Variants in MOB1B observed in about 807,000 individuals in gnomAD.
MOB1B encodes MOB1 Mps One Binder homolog B.
Under a neutral mutation model 24.4 loss-of-function variants are expected in MOB1B, and 19 were observed. The ratio of observed to expected loss-of-function variants is 0.78; its 90% CI spans 0.54 to 1.14. The LOEUF is 1.14. Among genes scored for constraint, MOB1B ranks in the 50% most tolerant of loss-of-function variants. MOB1B has a pLI of 0.00. For missense variants in MOB1B, 243 were observed against 259.6 expected, an observed-to-expected ratio of 0.94 and a Z score of 0.44; for synonymous variants, 76 against 82.1, an observed-to-expected ratio of 0.93 and a Z score of 0.40.
Position 70,983,587 on chromosome 4 carries a change from G to A in MOB1B, c.*1530G>A, listed in dbSNP as rs1739285633. The A allele has an allele frequency of 6.6e-6, 1 of 152,442 alleles. No homozygotes were observed. Among genetic ancestry groups the A allele is most frequent in the Non-Finnish European group, 1.5e-5 (1 of 67,966 alleles). The allele number at this position is 152,442 out of a possible 1,614,324, so 9.4% of individuals were successfully genotyped here. On this transcript the variant is annotated 3_prime_UTR_variant, in exon 6 of 6. Transcript: ENST00000309395. The stretch of plus-strand genomic sequence containing the variant: ...AGAAATATATATCCTTCCTTCAGTT[G>A]AAACATATACCTTTTTCACATCTAG...
intron 1 of MOB1B, among the ~76,000 whole-genome samples, chr4:70,912,179 G>A (rs544368777): frequency 3.4e-3 from 513 of 152,150 alleles, no homozygotes; most frequent in Non-Finnish European, 5.0e-3. Context: ...TTACAGGCGT[G>A]AGCCACCGTG....
intron 1 of MOB1B, among the ~76,000 whole-genome samples, chr4:70,957,212 A>G (rs1738097686): frequency 7.1e-6 from 1 of 140,906 alleles, no homozygotes; most frequent in Non-Finnish European, 1.5e-5. Flanking sequence ...TCGAGCTGAG[A>G]TCGTGCCTCT....
intron 1 of MOB1B, among the ~76,000 whole-genome samples, chr4:70,920,106 T>C (rs758662586): frequency 5.3e-5 from 8 of 152,210 alleles, no homozygotes; most frequent in Admixed American, 2.0e-4. Flanking sequence ...TTACCAATTA[T>C]CTTTAAAACT....
intron 1 of MOB1B, among the ~76,000 whole-genome samples, chr4:70,924,682 T>C (rs1736580798): frequency 6.6e-6 from 1 of 152,158 alleles, no homozygotes; most frequent in African/African-American, 2.4e-5. Flanking sequence ...CCGCCCTGTG[T>C]CCAGTTGATC....
chr4:70,986,349 T>C lies in MOB1B; in HGVS notation c.*4292T>C, dbSNP rs1739382492. 6.6e-6 allele frequency: 1 copy of C among 152,140 alleles called. No individual in the cohort carries two copies. The highest frequency in any genetic ancestry group is 1.5e-5 in the Non-Finnish European group (1 of 67,992). The allele number at this position is 152,140 out of a possible 1,614,324, so 9.4% of individuals were successfully genotyped here. A position where few individuals can be genotyped will look rare whatever the true frequency, so the allele number is the denominator to read the frequency against. ...AGATTTTTGTACAAAGAAATAGGAA[T>C]AAGTTTCATATACTAATTATGCTGA... On this transcript the variant is annotated 3_prime_UTR_variant, in exon 6 of 6. Transcript: ENST00000309395.
intron 1 of MOB1B, among the ~76,000 whole-genome samples, chr4:70,932,976 C>T (rs1290983651): frequency 6.6e-6 from 1 of 152,144 alleles, no homozygotes; most frequent in Admixed American, 6.5e-5. Flanking sequence ...AGTCTGTTCT[C>T]ATACTGCTGT....
At chr4:70,953,660 A>C (rs1463595625) in intron 1 of MOB1B, among the ~76,000 whole-genome samples, 1 of 152,210 alleles carries the variant, frequency 6.6e-6, no homozygotes, top group Admixed American at 6.5e-5. Flanking sequence ...AGAAAATTGC[A>C]GGCTGGGCAT....
At chr4:70,929,239 C>T (rs1736781754) in intron 1 of MOB1B, among the ~76,000 whole-genome samples, 2 of 139,186 alleles carry the variant, frequency 1.4e-5, no homozygotes, top group South Asian at 2.2e-4. Context: ...AGTGCAGTGG[C>T]GTGATCTTGG....
intron 2 of MOB1B, among the ~76,000 whole-genome samples, chr4:70,962,609 A>G (rs537023134): frequency 4.6e-5 from 7 of 152,116 alleles, no homozygotes; most frequent in Non-Finnish European, 1.0e-4. Flanking sequence ...AAAAAACAGG[A>G]GAAAAATCTG....
At chr4:70,946,941 C>T (rs1320422574) in intron 1 of MOB1B, among the ~76,000 whole-genome samples, 1 of 152,194 alleles carries the variant, frequency 6.6e-6, no homozygotes, top group Non-Finnish European at 1.5e-5. Flanking sequence ...TTATATTTTT[C>T]TTTCACATTA....
chr4:70,919,369 T>A (rs1385388673), intron 1 of MOB1B, among the ~76,000 whole-genome samples: 1 of 151,846 alleles, frequency 6.6e-6, no homozygotes, highest in East Asian at 1.9e-4. Context: ...AATTCCAGAT[T>A]CCCGTAAATT....
At chr4:70,940,103 T>G (rs778172387) in intron 1 of MOB1B, among the ~76,000 whole-genome samples, 1 of 152,016 alleles carries the variant, frequency 6.6e-6, no homozygotes, top group Non-Finnish European at 1.5e-5. Flanking sequence ...CGCTTTTGTC[T>G]TCTTCCGCTG....
chr4:70,944,801 G>A (rs1051624110), intron 1 of MOB1B, among the ~76,000 whole-genome samples: 8 of 152,032 alleles, frequency 5.3e-5, no homozygotes, highest in African/African-American at 1.9e-4. Flanking sequence ...GGGATGAGAT[G>A]CCACAGACTT....
In MOB1B at chr4:70,903,974, C is replaced by CTTTTTTTTTTTTTTTTTTT. The variant is rs754257097; in HGVS notation, c.14+1430_14+1448dup. Among the ~76,000 whole-genome samples the CTTTTTTTTTTTTTTTTTTT allele has an allele frequency of 1.2e-4, 10 of 81,006 alleles. 1 individual carries two copies. The highest frequency in any genetic ancestry group is 4.2e-4 in the Admixed American group (2 of 4,736). The allele number at this position is 81,006 out of a possible 152,430, so 53.1% of individuals were successfully genotyped here. ...AAAGTCCTTGTTTCTTATTTTAGTT[C>CTTTTTTTTTTTTTTTTTTT]TTTTTTTTTTTTTTTTTTTTTTTTG... On this transcript the variant is annotated intron_variant, in intron 1 of 5. Coordinates refer to ENST00000309395, the MANE Select transcript of MOB1B (RefSeq NM_173468.4).
chr4:70,958,785 A>G (rs553866094), intron 1 of MOB1B, 89 bp from the exon 2 acceptor site: 20 of 1,178,986 alleles, frequency 1.7e-5, no homozygotes, highest in South Asian at 1.4e-4. Context: ...ATTTAAGCCA[A>G]TACAGTTTAG....
rs1482515117 is a variant in MOB1B, at chr4:70,986,120, CTTG to C, written c.*4066_*4068del. ...AAAAAACCAAGTCCTTTCTCTAGAA[CTTG>C]TTTTCTATTTTTGTTCCTTTTCATG... On this transcript the variant is annotated 3_prime_UTR_variant, in exon 6 of 6. Coordinates refer to ENST00000309395, the MANE Select transcript of MOB1B (RefSeq NM_173468.4). 2 of 152,130 alleles carry C rather than the reference CTTG, an allele frequency of 1.3e-5. No individual in the cohort carries two copies. Among genetic ancestry groups the C allele is most frequent in the East Asian group, 1.9e-4 (1 of 5,198 alleles). 9.4% of individuals were successfully genotyped at this position (152,130 alleles called of 1,614,324 possible). A position where few individuals can be genotyped will look rare whatever the true frequency, so the allele number is the denominator to read the frequency against.
intron 1 of MOB1B, among the ~76,000 whole-genome samples, chr4:70,935,434 G>T (rs187814808): frequency 2.0e-5 from 3 of 152,122 alleles, no homozygotes; most frequent in Non-Finnish European, 4.4e-5. Context: ...TCAGTTAGCG[G>T]CTTGGCAACA....
intron 1 of MOB1B, among the ~76,000 whole-genome samples, chr4:70,949,873 G>GC (rs1406816807): frequency 6.6e-6 from 1 of 151,968 alleles, no homozygotes; most frequent in Non-Finnish European, 1.5e-5. Context: ...TTGTGTCACT[G>GC]CACTCCAGCC....
At chr4:70,908,567 G>A (rs1560626277) in intron 1 of MOB1B, among the ~76,000 whole-genome samples, 3 of 151,248 alleles carry the variant, frequency 2.0e-5, no homozygotes, top group Admixed American at 1.3e-4. Context: ...GAGGTCAGGA[G>A]TTTGAGACCA....
Sources: allele counts gnomAD v4.1 joint callset (sites outside exome capture counted in the v4.1 genomes callset), GRCh38; gene constraint gnomAD v4.1.1; transcripts MANE v1.5; gene names NCBI Gene and HGNC (gene_info 2026-07-23, HGNC 2026-07-21).